Variants in CHODL observed in about 807,000 individuals in gnomAD.
CHODL encodes chondrolectin, also known as transmembrane protein MT75.
A neutral mutation model predicts 34.5 loss-of-function variants in CHODL; 29 were observed. The observed-to-expected ratio is 0.84, with a 90% CI of 0.63 to 1.15. The LOEUF is 1.15. Among genes scored for constraint, CHODL ranks in the 50% most tolerant of loss-of-function variants. The pLI is 0.00. For synonymous variants in CHODL, 125 were observed against 116.1 expected (o/e 1.08, Z -0.49); for missense variants, 332 against 332.5 (o/e 1.00, Z 0.01).
At chr21:18,144,132 G>C (rs2072836239) in intron 2 of CHODL, among the ~76,000 whole-genome samples, 1 of 151,968 alleles carries the variant, frequency 6.6e-6, no homozygotes, top group Non-Finnish European at 1.5e-5. Context: ...AGTAACCAAG[G>C]CTTGATATAC....
At chr21:17,998,959 T>C (rs745602802) in intron 1 of CHODL, among the ~76,000 whole-genome samples, 8 of 152,304 alleles carry the variant, frequency 5.3e-5, no homozygotes, top group Middle Eastern at 6.8e-3. Flanking sequence ...GAATTTCTCC[T>C]CAAAAAATGG....
At chr21:18,027,778 G>A (rs2064191562) in intron 1 of CHODL, 1 of 152,402 alleles carries the variant, frequency 6.6e-6, no homozygotes, top group African/African-American at 2.4e-5. Context: ...GAGGTAATTA[G>A]ATCATGAGAG....
At chr21:18,248,642 G>A (rs1488371796) in intron 1 of CHODL, among the ~76,000 whole-genome samples, 1 of 119,170 alleles carries the variant, frequency 8.4e-6, no homozygotes, top group East Asian at 2.3e-4. Context: ...ATACATATAT[G>A]TATATATTAT....
rs535085471 is a variant in CHODL at position 18,245,053 on chromosome 21, G to A, written c.-171G>A. 3.6e-4 allele frequency: 186 copies of A among 523,780 alleles called. 1 individual carries two copies. Among genetic ancestry groups the A allele is most frequent in the Non-Finnish European group, 5.6e-4 (175 of 313,636 alleles). The allele number at this position is 523,780 out of a possible 1,614,324, so 32.4% of individuals were successfully genotyped here. A position where few individuals can be genotyped will look rare whatever the true frequency, so the allele number is the denominator to read the frequency against. ...ACGCGCGGCACAGGCGCGGCAGGCG[G>A]CAGGTCCCGGCCGAAGGCGATGCGC... On this transcript the variant is annotated 5_prime_UTR_variant, in exon 1 of 6. Transcript: ENST00000299295.
At chr21:18,255,060 T>A (rs1160176671) in intron 1 of CHODL, among the ~76,000 whole-genome samples, 1 of 152,100 alleles carries the variant, frequency 6.6e-6, no homozygotes, top group Non-Finnish European at 1.5e-5. Context: ...CTGTACATAA[T>A]CAATAGATGT....
intron 1 of CHODL, among the ~76,000 whole-genome samples, chr21:17,933,287 G>T (rs1242922575): frequency 6.6e-6 from 1 of 152,152 alleles, no homozygotes; most frequent in Non-Finnish European, 1.5e-5. Context: ...CGGGCTGGGG[G>T]ACGGTCAGGT....
Position 18,266,071 on chromosome 21 carries a change from T to C in CHODL, c.*33T>C. 1 of 1,613,820 alleles carries C rather than the reference T, an allele frequency of 6.2e-7. No individual in the cohort carries two copies. The highest frequency in any genetic ancestry group is 8.5e-7 in the Non-Finnish European group (1 of 1,179,844). ...TTGACTTGGTTCCAGAATTTTGTAA[T>C]TCTGGATCTGTATAAGGAATGGCAT... On this transcript the variant is annotated 3_prime_UTR_variant, in exon 6 of 6. Coordinates refer to ENST00000299295, the MANE Select transcript of CHODL (RefSeq NM_024944.3).
At chr21:18,099,118 G>T (rs1267820516) in intron 2 of CHODL, among the ~76,000 whole-genome samples, 3 of 152,014 alleles carry the variant, frequency 2.0e-5, no homozygotes, top group African/African-American at 4.8e-5. Context: ...GTTGGGGTTG[G>T]TTAGTGGATA....
In CHODL at chr21:18,211,822, C is replaced by G. The variant is rs28665001; in HGVS notation, c.-44-44687C>G. 2.4e-3 allele frequency among the ~76,000 whole-genome samples: 368 copies of G among 152,202 alleles called. 1 individual carries two copies. The highest frequency in any genetic ancestry group is 8.4e-3 in the African/African-American group (348 of 41,516). On this transcript the variant is annotated intron_variant, in intron 2 of 6. Transcript: ENST00000400127. ...TTGCACAAAGTTTTATTGATCGTGC[C>G]TCTCTAGGCTTGTTTTTGCTAGTTG...
At chr21:17,950,089 C>G (rs970671017) in intron 1 of CHODL, among the ~76,000 whole-genome samples, 2 of 152,146 alleles carry the variant, frequency 1.3e-5, no homozygotes, top group African/African-American at 4.8e-5. Flanking sequence ...TCACTTCATT[C>G]TGTCTTTGCC....
Position 17,999,645 on chromosome 21 carries a change from G to A in CHODL, c.-144-28227G>A, listed in dbSNP as rs1029157333. 3.9e-5 allele frequency among the ~76,000 whole-genome samples: 6 copies of A among 152,242 alleles called. 1 individual carries two copies. The highest frequency in any genetic ancestry group is 1.3e-4 in the Admixed American group (2 of 15,290). On this transcript the variant is annotated intron_variant, in intron 1 of 6. Transcript: ENST00000400127. Reference sequence around the variant, plus strand: ...GGAAGAAGCAAAAACAGAAACCCCTGATAAAAGCCATCAGATCTCATGAGA... The same window carrying A: ...GGAAGAAGCAAAAACAGAAACCCCTAATAAAAGCCATCAGATCTCATGAGA...
At chr21:18,178,465 A>G (rs8127764) in intron 2 of CHODL, among the ~76,000 whole-genome samples, 88,260 of 152,096 alleles carry the variant, frequency 0.58, 28,613 homozygotes, top group Non-Finnish European at 0.74. Context: ...AAATTTATGT[A>G]TAACTTTTGA....
At chr21:18,043,814 G>T (rs73325243) in intron 2 of CHODL, among the ~76,000 whole-genome samples, 1 of 151,940 alleles carries the variant, frequency 6.6e-6, no homozygotes, top group Non-Finnish European at 1.5e-5. Flanking sequence ...CACAGGGCTG[G>T]AGAGGCCTTA....
At chr21:18,181,603 C>T (rs1296963217) in intron 2 of CHODL, among the ~76,000 whole-genome samples, 3 of 152,116 alleles carry the variant, frequency 2.0e-5, no homozygotes, top group African/African-American at 7.2e-5. Context: ...GGGGTTTCAC[C>T]GTGGTCTGGA....
At chr21:18,013,821 G>T (rs1274414436) in intron 1 of CHODL, among the ~76,000 whole-genome samples, 1 of 151,562 alleles carries the variant, frequency 6.6e-6, no homozygotes, top group Non-Finnish European at 1.5e-5. Context: ...TTTTAGTAGA[G>T]ATGGGGTTTC....
chr21:18,164,690 T>TCTAGTCACTTCCTC (rs1555877978), intron 2 of CHODL, among the ~76,000 whole-genome samples: 24 of 151,782 alleles, frequency 1.6e-4, no homozygotes, highest in African/African-American at 5.8e-4. Context: ...CATTTCCTCA[T>TCTAGTCACTTCCTC]CTAGTCATTT....
chr21:18,084,267 C>A (rs2064976451), intron 2 of CHODL, among the ~76,000 whole-genome samples: 1 of 150,666 alleles, frequency 6.6e-6, no homozygotes, highest in Non-Finnish European at 1.5e-5. Flanking sequence ...GTCATGCTTC[C>A]TGTTAAACCT....
chr21:18,103,323 G>T (rs1280914052), intron 2 of CHODL, among the ~76,000 whole-genome samples: 1 of 152,062 alleles, frequency 6.6e-6, no homozygotes, highest in South Asian at 2.1e-4. Flanking sequence ...CTCAGTAGAG[G>T]TACTAAGAAA....
intron 2 of CHODL, among the ~76,000 whole-genome samples, chr21:18,030,394 T>G (rs2064233836): frequency 6.6e-6 from 1 of 152,164 alleles, no homozygotes; most frequent in Non-Finnish European, 1.5e-5. Flanking sequence ...GTTGAGCCAG[T>G]AGGCTGGCTA....
Sources: gnomAD v4.1 joint callset for allele counts (sites outside exome capture counted in the v4.1 genomes callset) on GRCh38, gnomAD v4.1.1 for gene constraint, MANE v1.5 for transcripts, NCBI Gene and HGNC (gene_info 2026-07-23, HGNC 2026-07-21) for gene names.